PSD3: variants seen among roughly 807,000 people sequenced by gnomAD.
PSD3 encodes PH and SEC7 domain-containing protein 3.
PSD3 carries 49 observed loss-of-function variants against 105.5 expected under a neutral mutation model. That is an observed-to-expected ratio of 0.46 (90% CI 0.37 to 0.59). The LOEUF (loss-of-function observed/expected upper bound fraction) is 0.59. PSD3 is among the 20% of genes least tolerant of loss of function. The pLI is 0.00. For synonymous variants in PSD3, 557 were observed against 457.8 expected (o/e 1.22, Z -2.77); for missense variants, 1,561 against 1,263.8 (o/e 1.24, Z -3.57).
At chr8:18,583,048 G>C (rs1296934412) in intron 12 of PSD3, among the ~76,000 whole-genome samples, 1 of 151,976 alleles carries the variant, frequency 6.6e-6, no homozygotes, top group Non-Finnish European at 1.5e-5. Context: ...GGCTGGTCTT[G>C]AACTCCTGAC....
chr8:18,712,095 T>C (rs552045455), intron 9 of PSD3, among the ~76,000 whole-genome samples: 1 of 152,206 alleles, frequency 6.6e-6, no homozygotes, highest in South Asian at 2.1e-4. Context: ...AAAGACAATG[T>C]ACCAGAATCT....
Position 18,572,944 on chromosome 8 carries a change from C to A in PSD3, c.2640-272G>T, listed in dbSNP as rs569579842. On this transcript the variant is annotated intron_variant, in intron 13 of 15. Transcript: ENST00000327040. ...ACTTGACAATAAATATTGATTAAAC[C>A]CCTACTTTCTGTTTGATACGAGGCT... Among the ~76,000 whole-genome samples the A allele has an allele frequency of 1.5e-4, 23 of 152,106 alleles. 1 individual carries two copies. In the Middle Eastern group the frequency reaches 0.01, roughly 67 times the overall value.
At chr8:18,635,048 T>A (rs1014229667) in intron 10 of PSD3, among the ~76,000 whole-genome samples, 1 of 152,228 alleles carries the variant, frequency 6.6e-6, no homozygotes, top group Non-Finnish European at 1.5e-5. Context: ...GACACATGGA[T>A]ATTTGTTTTA....
intron 1 of PSD3, among the ~76,000 whole-genome samples, chr8:18,979,143 T>C (rs1192508413): frequency 2.0e-5 from 3 of 151,946 alleles, no homozygotes; most frequent in African/African-American, 7.2e-5. Flanking sequence ...CTGAATACAG[T>C]CACTAAACGG....
chr8:18,880,920 T>G (rs1438723172), intron 2 of PSD3, among the ~76,000 whole-genome samples: 1 of 152,226 alleles, frequency 6.6e-6, no homozygotes, highest in East Asian at 1.9e-4. Flanking sequence ...GAGTTCATAC[T>G]TTACTGCGTG....
At chr8:18,571,898 G>T (rs1163136226) in intron 14 of PSD3, among the ~76,000 whole-genome samples, 1 of 152,082 alleles carries the variant, frequency 6.6e-6, no homozygotes, top group Non-Finnish European at 1.5e-5. Context: ...AACCTAGCTG[G>T]TAGGTAGTGT....
intron 11 of PSD3, among the ~76,000 whole-genome samples, chr8:18,603,879 C>G (rs1452182109): frequency 6.6e-6 from 1 of 152,168 alleles, no homozygotes; most frequent in African/African-American, 2.4e-5. Context: ...TTCCTGAGGC[C>G]TTCCCAGAAG....
At chr8:19,045,967 C>G (rs62495944) in intron 1 of PSD3, among the ~76,000 whole-genome samples, 2 of 152,214 alleles carry the variant, frequency 1.3e-5, no homozygotes, top group Non-Finnish European at 2.9e-5. Flanking sequence ...ACCATCATCC[C>G]TTATCCTCTG....
chr8:19,009,456 G>C (rs1826855545), intron 1 of PSD3, among the ~76,000 whole-genome samples: 1 of 152,136 alleles, frequency 6.6e-6, no homozygotes. Flanking sequence ...ACTTCAGAAT[G>C]GAAATAATGA....
At chr8:18,825,927 T>C (rs769656029) in intron 4 of PSD3, among the ~76,000 whole-genome samples, 3 of 152,186 alleles carry the variant, frequency 2.0e-5, no homozygotes, top group Non-Finnish European at 4.4e-5. Flanking sequence ...CCACAGGATA[T>C]CTAGACACCT....
intron 4 of PSD3, among the ~76,000 whole-genome samples, chr8:18,812,464 A>C (rs1338208073): frequency 6.6e-6 from 1 of 152,220 alleles, no homozygotes; most frequent in Non-Finnish European, 1.5e-5. Flanking sequence ...CTTTGAAAAT[A>C]GACTGGAGAA....
intron 8 of PSD3, among the ~76,000 whole-genome samples, chr8:18,784,808 G>C (rs768023259): frequency 3.3e-5 from 5 of 152,152 alleles, no homozygotes; most frequent in Non-Finnish European, 5.9e-5. Flanking sequence ...AGATGTACTT[G>C]CCAACCTCAA....
At chr8:19,011,916 G>C (rs1826970096) in intron 1 of PSD3, among the ~76,000 whole-genome samples, 2 of 152,154 alleles carry the variant, frequency 1.3e-5, no homozygotes, top group South Asian at 4.1e-4. Context: ...CAGATATTTA[G>C]AATGTGAAAT....
At chr8:18,569,893 A>G (rs10110075) in intron 14 of PSD3, among the ~76,000 whole-genome samples, 557 of 17,250 alleles carry the variant, frequency 0.032, 238 homozygotes, top group African/African-American at 0.056. Context: ...AAATGGCCAT[A>G]CTGCCCAAGG....
At chr8:18,899,831 C>T (rs1819389629) in intron 2 of PSD3, among the ~76,000 whole-genome samples, 1 of 152,070 alleles carries the variant, frequency 6.6e-6, no homozygotes, top group African/African-American at 2.4e-5. Context: ...CTATTCAAGG[C>T]TCAGGGGTTA....
At chr8:18,798,236 C>T (rs17383368) in intron 8 of PSD3, among the ~76,000 whole-genome samples, 51,972 of 151,982 alleles carry the variant, frequency 0.34, 11,066 homozygotes, top group Middle Eastern at 0.49. Context: ...TCTCTGGACA[C>T]GTGCTACCTA....
At chr8:18,641,350 G>A (rs986813368) in intron 10 of PSD3, among the ~76,000 whole-genome samples, 2 of 152,208 alleles carry the variant, frequency 1.3e-5, no homozygotes, top group Non-Finnish European at 2.9e-5. Flanking sequence ...TTGCCAGGCA[G>A]TGTGTGCTAG....
In PSD3 at chr8:18,568,238, C is replaced by T. The variant is rs190486612; in HGVS notation, c.2784+4290G>A. On this transcript the variant is annotated intron_variant, in intron 14 of 15. Transcript: ENST00000327040. The stretch of plus-strand genomic sequence containing the variant: ...TGGGCTAAGATACCCAGTGACCTCC[C>T]AGCCACTAAATATCACATTTTTAAA... 1.3e-5 allele frequency among the ~76,000 whole-genome samples: 2 copies of T among 152,282 alleles called. 1 individual carries two copies. Among genetic ancestry groups the T allele is most frequent in the Non-Finnish European group, 2.9e-5 (2 of 68,030 alleles).
chr8:19,074,487 CTTCAT>C (rs1328709350), intron 1 of PSD3, among the ~76,000 whole-genome samples: 1 of 150,450 alleles, frequency 6.6e-6, no homozygotes, highest in African/African-American at 2.5e-5. Flanking sequence ...GAAATATGTA[CTTCAT>C]TTCATGACAT....
Sources: gnomAD v4.1 joint callset for allele counts (sites outside exome capture counted in the v4.1 genomes callset) on GRCh38, gnomAD v4.1.1 for gene constraint, MANE v1.5 for transcripts, NCBI Gene and HGNC (gene_info 2026-07-23, HGNC 2026-07-21) for gene names.